NYAP2: variants seen among roughly 807,000 people sequenced by gnomAD.
NYAP2 encodes neuronal tyrosine-phosphorylated phosphoinositide-3-kinase adapter 2.
In NYAP2, 23 loss-of-function variants were observed where a neutral mutation model predicts 50.4. The ratio of observed to expected loss-of-function variants is 0.46; its 90% CI spans 0.33 to 0.65. The LOEUF is 0.65. NYAP2 is among the 30% of genes least tolerant of loss of function. NYAP2 has a pLI of 0.02. For synonymous variants in NYAP2, 394 were observed against 365.2 expected (o/e 1.08, Z -0.90); for missense variants, 885 against 861.0 (o/e 1.03, Z -0.35).
At chr2:225,589,879 G>A (rs1692466048) in intron 5 of NYAP2, among the ~76,000 whole-genome samples, 1 of 152,070 alleles carries the variant, frequency 6.6e-6, no homozygotes, top group Non-Finnish European at 1.5e-5. Flanking sequence ...TTGCAATAGA[G>A]AATGAGAGAA....
intron 4 of NYAP2, among the ~76,000 whole-genome samples, chr2:225,570,866 G>A (rs913774484): frequency 2.6e-5 from 4 of 152,110 alleles, no homozygotes; most frequent in Non-Finnish European, 4.4e-5. Flanking sequence ...CTGAGACAAG[G>A]CAAGTCCCTT....
At chr2:225,607,149 G>A (rs1047383398) in intron 5 of NYAP2, among the ~76,000 whole-genome samples, 8 of 151,900 alleles carry the variant, frequency 5.3e-5, no homozygotes, top group East Asian at 3.9e-4. Flanking sequence ...TTTACATCTC[G>A]GCCCTTTCAT....
At chr2:225,469,799 A>C (rs1425845558) in intron 3 of NYAP2, among the ~76,000 whole-genome samples, 1 of 152,182 alleles carries the variant, frequency 6.6e-6, no homozygotes, top group East Asian at 1.9e-4. Context: ...GAGTTGAACA[A>C]TGAGAACACA....
chr2:225,502,296 G>A (rs1021548845), intron 3 of NYAP2, among the ~76,000 whole-genome samples: 3 of 152,124 alleles, frequency 2.0e-5, no homozygotes, highest in Non-Finnish European at 2.9e-5. Flanking sequence ...TCAGATTACT[G>A]GTTCCAACAG....
intron 4 of NYAP2, among the ~76,000 whole-genome samples, chr2:225,535,714 G>A (rs766593190): frequency 6.6e-6 from 1 of 152,296 alleles, no homozygotes; most frequent in Non-Finnish European, 1.5e-5. Flanking sequence ...AATCAAGGAG[G>A]CCAGTCAGGT....
At chr2:225,449,819 G>A (rs890365314) in intron 3 of NYAP2, among the ~76,000 whole-genome samples, 1 of 151,728 alleles carries the variant, frequency 6.6e-6, no homozygotes, top group Non-Finnish European at 1.5e-5. Context: ...GTTTCACCAT[G>A]TTGGTCAGGC....
At chr2:225,626,044 T>C (rs1380100852) in intron 5 of NYAP2, among the ~76,000 whole-genome samples, 1 of 152,154 alleles carries the variant, frequency 6.6e-6, no homozygotes, top group Non-Finnish European at 1.5e-5. Context: ...GCATTATCAC[T>C]TAAAGAAAGA....
At chr2:225,621,038 C>T (rs973523313) in intron 5 of NYAP2, among the ~76,000 whole-genome samples, 4 of 150,546 alleles carry the variant, frequency 2.7e-5, no homozygotes, top group Non-Finnish European at 5.9e-5. Flanking sequence ...GGCATGAACC[C>T]GGGAGGCGGA....
chr2:225,649,799 A>G (rs1693698504), intron 6 of NYAP2, among the ~76,000 whole-genome samples: 1 of 152,226 alleles, frequency 6.6e-6, no homozygotes, highest in Admixed American at 6.5e-5. Flanking sequence ...ATAGATGCCG[A>G]ATGTTGAATA....
intron 4 of NYAP2, among the ~76,000 whole-genome samples, chr2:225,560,658 A>G (rs868354037): frequency 6.6e-6 from 1 of 152,090 alleles, no homozygotes; most frequent in Non-Finnish European, 1.5e-5. Context: ...TAATTGATCA[A>G]TTGGAACAGA....
the NYAP2 span, among the ~76,000 whole-genome samples, chr2:225,670,492 A>C: frequency 3.3e-5 from 5 of 151,994 alleles, no homozygotes; most frequent in Non-Finnish European, 7.4e-5. Context: ...ATTCTAAAAA[A>C]GACCCTTACA....
At chr2:225,602,561 T>C (rs1432613253) in intron 5 of NYAP2, among the ~76,000 whole-genome samples, 3 of 152,144 alleles carry the variant, frequency 2.0e-5, no homozygotes, top group Non-Finnish European at 4.4e-5. Context: ...ATGAATATTT[T>C]CCCCTGCATT....
Position 225,481,130 on chromosome 2 carries a change from GTTTC to G in NYAP2, c.222-32233_222-32230del, listed in dbSNP as rs143856594. The stretch of plus-strand genomic sequence containing the variant: ...AGGATGATGACTATTGATCTCTACT[GTTTC>G]TTTCTTTAAAAAACCTTTTCCTCAG... On this transcript the variant is annotated intron_variant, in intron 3 of 6. Coordinates refer to ENST00000636099, the Ensembl canonical transcript of NYAP2. Among the ~76,000 whole-genome samples the G allele has an allele frequency of 9.9e-3, 1,510 of 152,156 alleles. 59 individuals carry two copies. The highest frequency in any genetic ancestry group is 0.07 in the Admixed American group (1,065 of 15,272).
At chr2:225,674,872 G>A in the NYAP2 span, among the ~76,000 whole-genome samples, 5 of 152,022 alleles carry the variant, frequency 3.3e-5, no homozygotes, top group Admixed American at 6.6e-5. Flanking sequence ...TGAAAAGGGG[G>A]TGTATTTTGA....
chr2:225,698,281 T>G, the NYAP2 span: 1 of 152,360 alleles, frequency 6.6e-6, no homozygotes, highest in Non-Finnish European at 1.5e-5. Flanking sequence ...TTCATTCCAT[T>G]TTTTTCTTCT....
intron 6 of NYAP2, among the ~76,000 whole-genome samples, chr2:225,632,278 A>G (rs920100717): frequency 2.0e-5 from 3 of 152,086 alleles, no homozygotes; most frequent in African/African-American, 4.8e-5. Context: ...CTTCCTCATC[A>G]TTGTTGCCTC....
chr2:225,674,872 G>C, the NYAP2 span, among the ~76,000 whole-genome samples: 73 of 152,140 alleles, frequency 4.8e-4, no homozygotes, highest in African/African-American at 1.7e-3. Flanking sequence ...TGAAAAGGGG[G>C]TGTATTTTGA....
the NYAP2 span, chr2:225,699,151 A>T: frequency 6.6e-6 from 1 of 151,874 alleles, no homozygotes; most frequent in Admixed American, 6.6e-5. Context: ...TGACAACAAT[A>T]TTTTTGCTAC....
At chr2:225,535,126 G>A (rs1691325320) in intron 4 of NYAP2, among the ~76,000 whole-genome samples, 2 of 152,206 alleles carry the variant, frequency 1.3e-5, no homozygotes, top group Non-Finnish European at 2.9e-5. Context: ...CAAAGAAGCT[G>A]CATGTTCTGC....
Sources: allele counts gnomAD v4.1 joint callset (sites outside exome capture counted in the v4.1 genomes callset), GRCh38; gene constraint gnomAD v4.1.1; transcripts MANE v1.5; gene names NCBI Gene and HGNC (gene_info 2026-07-23, HGNC 2026-07-21).